CLVS1: variants seen among roughly 807,000 people sequenced by gnomAD.
CLVS1 encodes clavesin-1.
A neutral mutation model predicts 33.1 loss-of-function variants in CLVS1; 10 were observed. That is an observed-to-expected ratio of 0.30 (90% CI 0.19 to 0.51). The LOEUF (loss-of-function observed/expected upper bound fraction) is 0.51. Among genes scored for constraint, CLVS1 ranks in the 20% least tolerant of loss-of-function variants. The probability of loss-of-function intolerance (pLI) is 0.97; values close to 1 mark genes in which losing one functional copy is unlikely to be tolerated. For missense variants in CLVS1, 343 were observed against 433.4 expected, an observed-to-expected ratio of 0.79 and a Z score of 1.85; for synonymous variants, 163 against 166.1, an observed-to-expected ratio of 0.98 and a Z score of 0.14.
intron 5 of CLVS1, chr8:61,464,450 C>T (rs1182024415): frequency 6.6e-6 from 1 of 152,250 alleles, no homozygotes; most frequent in Non-Finnish European, 1.5e-5. Context: ...ATGGTTCTTG[C>T]TTGTAGAATC....
rs367848666 is a variant in CLVS1 at position 61,442,907 on chromosome 8, C to A, written c.631-11234C>A. 7.2e-5 allele frequency among the ~76,000 whole-genome samples: 11 copies of A among 152,224 alleles called. No individual in the cohort carries two copies. The East Asian group carries it at 1.7e-3, about 24-fold the overall frequency. Reference sequence around the variant, plus strand: ...AGCCACTGTGCCTGGCCGGAGGTGTCACTATTTTTTTAAGCCATTCTGATG... The same window carrying A: ...AGCCACTGTGCCTGGCCGGAGGTGTAACTATTTTTTTAAGCCATTCTGATG... On this transcript the variant is annotated intron_variant, in intron 3 of 5. Transcript: ENST00000325897.
chr8:61,317,290 CAGATAGGCA>C (rs1301447331), intron 2 of CLVS1, among the ~76,000 whole-genome samples: 1 of 152,126 alleles, frequency 6.6e-6, no homozygotes, highest in African/African-American at 2.4e-5. Flanking sequence ...TGGCAGAAAG[CAGATAGGCA>C]AGTGAGTCAA....
intron 2 of CLVS1, among the ~76,000 whole-genome samples, chr8:61,241,038 A>G (rs892955507): frequency 5.9e-5 from 9 of 152,140 alleles, no homozygotes; most frequent in African/African-American, 2.2e-4. Context: ...AGACACTGGC[A>G]GATTTGGTGT....
intron 2 of CLVS1, among the ~76,000 whole-genome samples, chr8:61,301,724 G>A (rs1810444125): frequency 6.6e-6 from 1 of 152,138 alleles, no homozygotes. Context: ...TGGGAGTTGG[G>A]CAATGGTAGT....
intron 2 of CLVS1, among the ~76,000 whole-genome samples, chr8:61,132,312 G>A (rs1275157179): frequency 3.3e-5 from 5 of 152,232 alleles, no homozygotes; most frequent in Non-Finnish European, 7.3e-5. Context: ...CTGGGGTTGC[G>A]GCAGGGGAAT....
the CLVS1 span, among the ~76,000 whole-genome samples, chr8:60,968,653 C>A: frequency 6.6e-6 from 1 of 152,092 alleles, no homozygotes; most frequent in Non-Finnish European, 1.5e-5. Flanking sequence ...CTTTGGGAGG[C>A]TGAGGTGGGC....
At chr8:61,071,683 G>A (rs986996480) in intron 1 of CLVS1, among the ~76,000 whole-genome samples, 11 of 152,056 alleles carry the variant, frequency 7.2e-5, no homozygotes, top group African/African-American at 1.2e-4. Flanking sequence ...GGTATCTTAC[G>A]CCAAATTTCA....
intron 2 of CLVS1, among the ~76,000 whole-genome samples, chr8:61,219,283 C>T (rs1267589104): frequency 1.3e-5 from 2 of 152,066 alleles, no homozygotes; most frequent in African/African-American, 2.4e-5. Context: ...GACCTGTCCT[C>T]CAAGTTCCTT....
chr8:61,071,661 T>A (rs1804799220), intron 1 of CLVS1, among the ~76,000 whole-genome samples: 1 of 152,186 alleles, frequency 6.6e-6, no homozygotes, highest in Non-Finnish European at 1.5e-5. Context: ...GGGACATTCT[T>A]TAGCATACCA....
intron 2 of CLVS1, among the ~76,000 whole-genome samples, chr8:61,322,006 C>T (rs1249970722): frequency 3.3e-5 from 5 of 152,012 alleles, no homozygotes; most frequent in African/African-American, 9.7e-5. Flanking sequence ...TTTGTTTAAC[C>T]TATTTTTTTA....
At chr8:61,079,208 A>G (rs2129282151) in intron 1 of CLVS1, among the ~76,000 whole-genome samples, 1 of 152,318 alleles carries the variant, frequency 6.6e-6, no homozygotes, top group African/African-American at 2.4e-5. Flanking sequence ...AAAACAAAGC[A>G]AAACAAAACC....
the CLVS1 span, chr8:60,967,828 A>G: frequency 8.3e-6 from 3 of 363,628 alleles, no homozygotes; most frequent in African/African-American, 4.3e-5. Context: ...TAATTGCTCT[A>G]TCCACGGACC....
chr8:61,071,271 T>C (rs1276857752), intron 1 of CLVS1, among the ~76,000 whole-genome samples: 1 of 152,248 alleles, frequency 6.6e-6, no homozygotes, highest in Non-Finnish European at 1.5e-5. Context: ...GCCAGAAGTC[T>C]GAAAACATTT....
At chr8:61,243,054 ATGT>A (rs1455278035) in intron 2 of CLVS1, among the ~76,000 whole-genome samples, 1 of 151,972 alleles carries the variant, frequency 6.6e-6, no homozygotes, top group East Asian at 1.9e-4. Flanking sequence ...GATCTTGTGA[ATGT>A]TGTTTTTCAT....
intron 2 of CLVS1, among the ~76,000 whole-genome samples, chr8:61,234,710 C>G (rs1021630542): frequency 6.6e-6 from 1 of 152,140 alleles, no homozygotes; most frequent in African/African-American, 2.4e-5. Flanking sequence ...GGTTCAGTCC[C>G]CAGCCACTGG....
In CLVS1 at chr8:61,261,992, G is replaced by GTGTGTGTA. The variant is rs576239865; in HGVS notation, c.-151-37678_-151-37677insATGTGTGT. On this transcript the variant is annotated intron_variant, in intron 2 of 2. Coordinates refer to the CLVS1 transcript ENST00000522621. ...CATTGCTGCGTGTGTGTGTGTGTGT[G>GTGTGTGTA]TGTGTGTGTGTGTGTGTGTGTGTGT... Among the ~76,000 whole-genome samples, 649 of 128,430 alleles carry GTGTGTGTA rather than the reference G, an allele frequency of 5.1e-3. 13 individuals are homozygous for GTGTGTGTA. Among genetic ancestry groups the GTGTGTGTA allele is most frequent in the South Asian group, 0.042 (173 of 4,136 alleles). The allele number at this position is 128,430 out of a possible 152,430, so 84.3% of individuals were successfully genotyped here.
At chr8:61,161,537 T>C (rs148753385) in intron 2 of CLVS1, among the ~76,000 whole-genome samples, 110 of 152,304 alleles carry the variant, frequency 7.2e-4, no homozygotes, top group South Asian at 2.5e-3. Context: ...CTAAGTAAAA[T>C]GAGCCAGACA....
chr8:60,995,867 A>G, the CLVS1 span, among the ~76,000 whole-genome samples: 1 of 152,274 alleles, frequency 6.6e-6, no homozygotes, highest in African/African-American at 2.4e-5. Context: ...TTGCAGGGAC[A>G]TGGATGAAAT....
chr8:61,490,561 G>A (rs894720798), intron 5 of CLVS1, among the ~76,000 whole-genome samples: 2 of 150,090 alleles, frequency 1.3e-5, no homozygotes, highest in African/African-American at 2.5e-5. Context: ...CCAGCTACTC[G>A]GGAAGCTGAG....
Sources: gnomAD v4.1 joint callset for allele counts (sites outside exome capture counted in the v4.1 genomes callset) on GRCh38, gnomAD v4.1.1 for gene constraint, MANE v1.5 for transcripts, NCBI Gene and HGNC (gene_info 2026-07-23, HGNC 2026-07-21) for gene names.